Variants in UGGT2 observed in about 807,000 individuals in gnomAD.
UGGT2 encodes the protein UDP-glucose glycoprotein glucosyltransferase 2.
A neutral mutation model predicts 192.1 loss-of-function variants in UGGT2; 180 were observed. The ratio of observed to expected loss-of-function variants is 0.94; its 90% CI spans 0.83 to 1.06. UGGT2 has a LOEUF of 1.06. Among genes scored for constraint, UGGT2 ranks in the 50% least tolerant of loss-of-function variants. UGGT2 has a pLI of 0.00. For synonymous variants in UGGT2, 580 were observed against 591.0 expected (o/e 0.98, Z 0.27); for missense variants, 1,849 against 1,795.7 (o/e 1.03, Z -0.54).
intron 37 of UGGT2, 41 bp from the exon 38 acceptor site, chr13:95,833,094 C>G: frequency 6.3e-7 from 1 of 1,599,394 alleles, no homozygotes; most frequent in Non-Finnish European, 8.5e-7. Context: ...AGACCATGCT[C>G]CTGGAAACAT....
At chr13:95,809,331 T>A in intron 38 of UGGT2, 1 of 478,816 alleles carries the variant, frequency 2.1e-6, no homozygotes, top group South Asian at 1.5e-5. Context: ...TCTTTCTCTC[T>A]AGCTTCATTG....
intron 10 of UGGT2, among the ~76,000 whole-genome samples, chr13:95,973,123 T>C (rs774979378): frequency 8.6e-5 from 13 of 152,006 alleles, no homozygotes; most frequent in Non-Finnish European, 1.8e-4. Flanking sequence ...TGAGCCAAGA[T>C]TGCACCATTG....
chr13:95,926,897 A>C (rs2049031562), intron 19 of UGGT2, 131 bp downstream of exon 19: 2 of 809,674 alleles, frequency 2.5e-6, no homozygotes, highest in Admixed American at 3.5e-5. Context: ...AAAAATTTAC[A>C]AACTCTAAAA....
chr13:95,803,550 G>A lies in UGGT2; in HGVS notation c.4529-1738C>T, dbSNP rs890923728. Among the ~76,000 whole-genome samples the A allele has an allele frequency of 5.3e-5, 8 of 152,280 alleles. No homozygotes were observed. The East Asian group carries it at 7.7e-4, about 15-fold the overall frequency. ...GCTGGGATTACAGGTGTGATTCACC[G>A]TGCCCGGCCGAAAAGGGGTATTTTT... On this transcript the variant is annotated intron_variant, in intron 38 of 38. Coordinates refer to ENST00000376747, the MANE Select transcript of UGGT2 (RefSeq NM_020121.4).
At chr13:95,851,423 G>A (rs1000215463) in intron 36 of UGGT2, among the ~76,000 whole-genome samples, 4 of 152,208 alleles carry the variant, frequency 2.6e-5, no homozygotes, top group Admixed American at 1.3e-4. Context: ...AGATGGTATG[G>A]AGTGAGAAGT....
At chr13:95,822,242 G>C (rs1885585263) in intron 38 of UGGT2, among the ~76,000 whole-genome samples, 1 of 151,924 alleles carries the variant, frequency 6.6e-6, no homozygotes, top group South Asian at 2.1e-4. Flanking sequence ...AGTTTTCCTT[G>C]TAGGGATCTT....
intron 5 of UGGT2, among the ~76,000 whole-genome samples, chr13:96,004,467 G>A (rs2051906948): frequency 6.6e-6 from 1 of 152,040 alleles, no homozygotes; most frequent in African/African-American, 2.4e-5. Context: ...ATGGTTAATG[G>A]GTATAAAAAT....
chr13:95,979,940 G>A (rs1332977295), intron 10 of UGGT2, among the ~76,000 whole-genome samples: 2 of 152,132 alleles, frequency 1.3e-5, no homozygotes, highest in Non-Finnish European at 2.9e-5. Flanking sequence ...AAACCACAAT[G>A]CAATACCACC....
chr13:95,863,681 T>C lies in UGGT2; in HGVS notation c.3592A>G (p.Ile1198Val). 6.2e-7 allele frequency: 1 copy of C among 1,612,788 alleles called. No homozygotes were observed. Among genetic ancestry groups the C allele is most frequent in the Non-Finnish European group, 8.5e-7 (1 of 1,179,132 alleles). ...KKETDKIKED[I>V]LTDEDEKTKG... is the part of the protein sequence containing the mutation. ...GTTTTTTCATCTTCATCGGTAAGGA[T>C]ATCTTCCTTAATTTTGTCTGTTTCT... is the stretch of plus-strand genomic sequence containing the variant. The change falls in exon 31 of 39, where the codon ATC (isoleucine) becomes GTC (valine). Residue 1198 changes from isoleucine (I) to valine (V), a missense_variant. Ile to Val is a conservative substitution (Grantham distance 29, BLOSUM62 3). Transcript: ENST00000376747.
chr13:95,900,713 T>C (rs1034883138), intron 22 of UGGT2, 94 bp downstream of exon 22: 2 of 1,353,866 alleles, frequency 1.5e-6, no homozygotes, highest in African/African-American at 1.5e-5. Context: ...CCTCTGTGTG[T>C]GTCAGTCACA....
At chr13:95,973,030 C>T (rs1039770408) in intron 10 of UGGT2, among the ~76,000 whole-genome samples, 2 of 152,020 alleles carry the variant, frequency 1.3e-5, no homozygotes, top group African/African-American at 2.4e-5. Flanking sequence ...ATTAGCTGGG[C>T]GTGGTGGCAC....
intron 10 of UGGT2, among the ~76,000 whole-genome samples, chr13:95,979,484 G>C (rs751198550): frequency 3.8e-5 from 5 of 131,676 alleles, no homozygotes; most frequent in Non-Finnish European, 6.2e-5. Context: ...CCATCCTCTA[G>C]TATTTCTTCA....
rs753961181 is a variant in UGGT2, at chr13:95,854,330, C to T, written c.4154G>A (p.Arg1385Gln). The change falls in exon 35 of 39, where the codon CGG becomes CAG. Residue 1385 changes from arginine to glutamine, a missense_variant. By Grantham distance (43) the Arg-to-Gln change is conservative (BLOSUM62 1). Transcript: ENST00000376747. Reference sequence around the variant, plus strand: ...CTTTTCTTACCTGATATGGTATTTCCGTCTTAAAAGATGTGATGCCCAGTA... The same window carrying T: ...CTTTTCTTACCTGATATGGTATTTCTGTCTTAAAAGATGTGATGCCCAGTA... ...TGYWASHLLR[R>Q]KYHISALYVV... is the part of the protein sequence containing the mutation. 16 of 1,611,814 alleles carry T rather than the reference C, an allele frequency of 9.9e-6. No homozygotes were observed. Among genetic ancestry groups the T allele is most frequent in the East Asian group, 2.2e-5 (1 of 44,808 alleles).
rs34833403 is a variant in UGGT2 at position 95,952,055 on chromosome 13, C to CAAAA, written c.1336-2605_1336-2602dup. On this transcript the variant is annotated intron_variant, in intron 12 of 38. Transcript: ENST00000376747. ...CCTGGGCAATAGAGCGAGACTGTCT[C>CAAAA]AAAAAAAAAAAGATACATATTAGTC... Among the ~76,000 whole-genome samples the CAAAA allele has an allele frequency of 3.4e-3, 494 of 143,636 alleles. 4 individuals are homozygous for CAAAA. The highest frequency in any genetic ancestry group is 9.3e-3 in the African/African-American group (361 of 38,934). 94.2% of individuals were successfully genotyped at this position (143,636 alleles called of 152,430 possible).
chr13:95,856,832 T>C (rs542760060), intron 33 of UGGT2: 1 of 212,968 alleles, frequency 4.7e-6, no homozygotes, highest in African/African-American at 2.4e-5. Context: ...AGATATATCA[T>C]TATTTAATTC....
At chr13:96,006,231 G>T (rs1400637977) in intron 5 of UGGT2, among the ~76,000 whole-genome samples, 1 of 152,206 alleles carries the variant, frequency 6.6e-6, no homozygotes, top group African/African-American at 2.4e-5. Flanking sequence ...TATTAAAACT[G>T]TAAGAAGGAG....
rs1194271577 is a variant in UGGT2, at chr13:95,868,604, C to CAA, written c.3474-1183_3474-1182dup. On this transcript the variant is annotated intron_variant, in intron 29 of 38. Coordinates refer to ENST00000376747, the MANE Select transcript of UGGT2 (RefSeq NM_020121.4). ...GGGCAAGAGAGACCCTGTCACAAAA[C>CAA]AAAACAAAACAAAACAAAACAAAAA... Among the ~76,000 whole-genome samples the CAA allele has an allele frequency of 4.4e-5, 6 of 137,146 alleles. No individual in the cohort carries two copies. In the Middle Eastern group the frequency reaches 0.013, roughly 288 times the overall value. The allele number at this position is 137,146 out of a possible 152,430, so 90.0% of individuals were successfully genotyped here.
chr13:95,846,605 ATTCCCTTCTC>A (rs1317742683), intron 36 of UGGT2, among the ~76,000 whole-genome samples: 1 of 152,186 alleles, frequency 6.6e-6, no homozygotes, highest in African/African-American at 2.4e-5. Flanking sequence ...GTTGAAAAAT[ATTCCCTTCTC>A]TTCAATTTTC....
Position 95,948,840 on chromosome 13 carries a change from A to G in UGGT2, c.1455+495T>C, listed in dbSNP as rs141268778. ...TGTGCCCACTCAAATCTCATCTTCA[A>G]TTGTAGTTCTCATAATCCCCATGTG... On this transcript the variant is annotated intron_variant, in intron 13 of 38. Coordinates refer to ENST00000376747, the MANE Select transcript of UGGT2 (RefSeq NM_020121.4). 1.6e-3 allele frequency among the ~76,000 whole-genome samples: 242 copies of G among 152,324 alleles called. 1 individual carries two copies. Among genetic ancestry groups the G allele is most frequent in the African/African-American group, 5.2e-3 (218 of 41,572 alleles).
Sources: gnomAD v4.1 joint callset for allele counts (sites outside exome capture counted in the v4.1 genomes callset) on GRCh38, gnomAD v4.1.1 for gene constraint, MANE v1.5 for transcripts, NCBI Gene and HGNC (gene_info 2026-07-23, HGNC 2026-07-21) for gene names.